Variants in ARL5B observed in about 807,000 individuals in gnomAD.
The protein encoded by ARL5B is ADP-ribosylation factor-like protein 5B.
A neutral mutation model predicts 26.9 loss-of-function variants in ARL5B; 10 were observed. The ratio of observed to expected loss-of-function variants is 0.37; its 90% CI spans 0.23 to 0.63. The LOEUF is 0.63. Among genes scored for constraint, ARL5B ranks in the 30% least tolerant of loss-of-function variants. The pLI is 0.62. For missense variants in ARL5B, 167 were observed against 213.9 expected (o/e 0.78, Z 1.37); for synonymous variants, 87 against 70.4 (o/e 1.24, Z -1.18).
In ARL5B at chr10:18,659,862, G is replaced by A. The variant is rs954017491; in HGVS notation, c.46+179G>A. ...GGAGGACGTACAGGAGAGACCTGAC[G>A]TGTGGGAGAAATAGGGAGGCAGAAG... On this transcript the variant is annotated intron_variant, in intron 1 of 5. Transcript: ENST00000377275. 9 of 985,256 alleles carry A rather than the reference G, an allele frequency of 9.1e-6. No homozygotes were observed. The highest frequency in any genetic ancestry group is 1.1e-5 in the Non-Finnish European group (9 of 829,932). The allele number at this position is 985,256 out of a possible 1,614,324, so 61.0% of individuals were successfully genotyped here.
At position 18,675,362 on chromosome 10, in the gene ARL5B, G is replaced by A. The variant is rs2059905989; in HGVS notation, c.*146G>A. On this transcript the variant is annotated 3_prime_UTR_variant, in exon 6 of 6. Transcript: ENST00000377275. ...CACTTGAATCAAGTGCAGCTGAACT[G>A]GAACATAAAAGATTTTTTCTTAACT... 1.5e-6 allele frequency: 1 copy of A among 685,276 alleles called. No homozygotes were observed. Among genetic ancestry groups the A allele is most frequent in the Non-Finnish European group, 2.4e-6 (1 of 412,832 alleles). The allele number at this position is 685,276 out of a possible 1,614,324, so 42.4% of individuals were successfully genotyped here. A position where few individuals can be genotyped will look rare whatever the true frequency, so the allele number is the denominator to read the frequency against.
chr10:18,664,501 G>T (rs938165666), intron 1 of ARL5B, among the ~76,000 whole-genome samples: 3 of 121,932 alleles, frequency 2.5e-5, no homozygotes, highest in Non-Finnish European at 4.8e-5. Context: ...ACAGTGACCC[G>T]ATCTCGGCTC....
chr10:18,674,138 A>G lies in ARL5B; in HGVS notation c.491+3A>G. ...TGCTGTGCTCTCACAGGAGAAGGGTAAGTTCATCCGTCTGAGGGGAGGTAT... is the reference window on the plus strand; with the variant it reads ...TGCTGTGCTCTCACAGGAGAAGGGTGAGTTCATCCGTCTGAGGGGAGGTAT... On this transcript the variant is annotated splice_donor_region_variant and intron_variant, in intron 5 of 5. Transcript: ENST00000377275. The G allele has an allele frequency of 1.9e-6, 3 of 1,606,512 alleles. No individual in the cohort carries two copies. Among genetic ancestry groups the G allele is most frequent in the Non-Finnish European group, 2.5e-6 (3 of 1,177,082 alleles).
At chr10:18,667,769 T>C (rs905558603) in intron 2 of ARL5B, among the ~76,000 whole-genome samples, 3 of 151,930 alleles carry the variant, frequency 2.0e-5, no homozygotes, top group Non-Finnish European at 4.4e-5. Context: ...TTTGCTCTGT[T>C]TCTAAGGGTG....
In ARL5B at chr10:18,675,510, G is replaced by A. The variant is rs1195565028; in HGVS notation, c.*294G>A. ...GCCTTGTAAGAAATGTTTGTCATAT[G>A]CGTGATGTCTTCTGAAATATTCTTA... On this transcript the variant is annotated 3_prime_UTR_variant, in exon 6 of 6. Transcript: ENST00000377275. The A allele has an allele frequency of 8.9e-6, 3 of 338,272 alleles. No homozygotes were observed. Among genetic ancestry groups the A allele is most frequent in the East Asian group, 5.4e-5 (1 of 18,638 alleles). The allele number at this position is 338,272 out of a possible 1,614,324, so 21.0% of individuals were successfully genotyped here.
chr10:18,662,653 T>G (rs1314658046), intron 1 of ARL5B, among the ~76,000 whole-genome samples: 1 of 152,008 alleles, frequency 6.6e-6, no homozygotes, highest in Non-Finnish European at 1.5e-5. Context: ...TTTCTCTCAG[T>G]GTTATGATTG....
At chr10:18,660,690 T>G (rs1376352594) in intron 1 of ARL5B, among the ~76,000 whole-genome samples, 1 of 152,168 alleles carries the variant, frequency 6.6e-6, no homozygotes, top group African/African-American at 2.4e-5. Flanking sequence ...TAAAGCAGTC[T>G]TTTTCAAGGT....
chr10:18,660,158 C>T (rs2059823496), intron 1 of ARL5B, among the ~76,000 whole-genome samples: 1 of 152,068 alleles, frequency 6.6e-6, no homozygotes, highest in African/African-American at 2.4e-5. Flanking sequence ...CTCCTTTCCT[C>T]TAGGACTTGG....
At chr10:18,663,390 T>G (rs1214870249) in intron 1 of ARL5B, among the ~76,000 whole-genome samples, 1 of 152,194 alleles carries the variant, frequency 6.6e-6, no homozygotes, top group African/African-American at 2.4e-5. Context: ...CAGTAACATC[T>G]TAATTTCATA....
intron 1 of ARL5B, among the ~76,000 whole-genome samples, chr10:18,662,869 A>AT (rs1272598617): frequency 4.0e-5 from 6 of 151,412 alleles, no homozygotes; most frequent in African/African-American, 1.5e-4. Context: ...ACTCCGGCTA[A>AT]TTTTTGTATT....
chr10:18,674,126 CAGG>C lies in ARL5B; in HGVS notation c.485_487del (p.Gly162del). 1 of 1,609,646 alleles carries C rather than the reference CAGG, an allele frequency of 6.2e-7. No homozygotes were observed. The highest frequency in any genetic ancestry group is 8.5e-7 in the Non-Finnish European group (1 of 1,178,106). On this transcript the variant is annotated inframe_deletion, in exon 5 of 6. Coordinates refer to ENST00000377275, the MANE Select transcript of ARL5B (RefSeq NM_178815.5). ...CACATTCAATCCTGCTGTGCTCTCACAGGAGAAGGGTAAGTTCATCCGTCTGAG... is the reference window on the plus strand; with the variant it reads ...CACATTCAATCCTGCTGTGCTCTCACAGAAGGGTAAGTTCATCCGTCTGAG...
chr10:18,673,891 TGTTAAA>T lies in ARL5B; in HGVS notation c.340-90_340-85del, dbSNP rs2059898940. 4 of 1,182,646 alleles carry T rather than the reference TGTTAAA, an allele frequency of 3.4e-6. No homozygotes were observed. The African/African-American group carries it at 6.3e-5, about 19-fold the overall frequency. 73.3% of individuals were successfully genotyped at this position (1,182,646 alleles called of 1,614,324 possible). ...TATGTTAAATACTAGTGCCCGATTA[TGTTAAA>T]GTAGAAGCACTTCATTATAACTGTT... On this transcript the variant is annotated intron_variant, in intron 4 of 5. Coordinates refer to ENST00000377275, the MANE Select transcript of ARL5B (RefSeq NM_178815.5).
intron 2 of ARL5B, 101 bp from the exon 3 acceptor site, chr10:18,668,429 C>G (rs2059871230): frequency 8.0e-7 from 1 of 1,248,428 alleles, no homozygotes; most frequent in South Asian, 1.4e-5. Context: ...TGATCACCAT[C>G]ATTGGTGCAG....
At chr10:18,671,029 G>A (rs1018350750) in intron 3 of ARL5B, among the ~76,000 whole-genome samples, 2 of 151,382 alleles carry the variant, frequency 1.3e-5, no homozygotes, top group African/African-American at 4.9e-5. Flanking sequence ...CAGGTATTAA[G>A]TAATTATTGA....
intron 3 of ARL5B, among the ~76,000 whole-genome samples, chr10:18,671,261 C>T (rs553173477): frequency 1.3e-5 from 2 of 152,114 alleles, no homozygotes; most frequent in South Asian, 2.1e-4. Flanking sequence ...CAGCCTCCGC[C>T]TCCCAGGTTC....
chr10:18,675,528 T>C lies in ARL5B; in HGVS notation c.*312T>C, dbSNP rs923722871. 2 of 287,272 alleles carry C rather than the reference T, an allele frequency of 7.0e-6. No homozygotes were observed. Among genetic ancestry groups the C allele is most frequent in the Non-Finnish European group, 1.3e-5 (2 of 149,094 alleles). 17.8% of individuals were successfully genotyped at this position (287,272 alleles called of 1,614,324 possible). On this transcript the variant is annotated 3_prime_UTR_variant, in exon 6 of 6. Transcript: ENST00000377275. ...GTCATATGCGTGATGTCTTCTGAAA[T>C]ATTCTTATAACCTTAATGACCAATT...
intron 3 of ARL5B, 89 bp downstream of exon 3, chr10:18,668,766 T>G: frequency 1.6e-6 from 2 of 1,260,700 alleles, no homozygotes; most frequent in Non-Finnish European, 2.1e-6. Context: ...GTATTGACAG[T>G]TGCCTTTTTT....
chr10:18,659,562 G>T lies in ARL5B; in HGVS notation c.-76G>T. ...GGCGGGTTCTCCTCGGCTCCGCGCAGCCCGCGCCGCGGTGGGGGACCCGGC... is the reference window on the plus strand; with the variant it reads ...GGCGGGTTCTCCTCGGCTCCGCGCATCCCGCGCCGCGGTGGGGGACCCGGC... On this transcript the variant is annotated 5_prime_UTR_variant, in exon 1 of 6. Coordinates refer to ENST00000377275, the MANE Select transcript of ARL5B (RefSeq NM_178815.5). The T allele has an allele frequency of 4.0e-6, 6 of 1,501,022 alleles. No individual in the cohort carries two copies. In the South Asian group the frequency reaches 7.8e-5, roughly 20 times the overall value. 93.0% of individuals were successfully genotyped at this position (1,501,022 alleles called of 1,614,324 possible).
chr10:18,666,723 G>T, intron 2 of ARL5B, 88 bp downstream of exon 2: 2 of 1,122,898 alleles, frequency 1.8e-6, no homozygotes, highest in South Asian at 2.0e-5. Flanking sequence ...TAATAATGAC[G>T]GAAAAACTTA....
Sources: gnomAD v4.1 joint callset for allele counts (sites outside exome capture counted in the v4.1 genomes callset) on GRCh38, gnomAD v4.1.1 for gene constraint, MANE v1.5 for transcripts, NCBI Gene and HGNC (gene_info 2026-07-23, HGNC 2026-07-21) for gene names.